The following PCDHGB7 variants were observed in gnomAD, a reference collection of about 807,000 sequenced individuals.
The protein encoded by PCDHGB7 is protocadherin gamma-B7.
A neutral mutation model predicts 61.4 loss-of-function variants in PCDHGB7; 37 were observed. The ratio of observed to expected loss-of-function variants is 0.60; its 90% CI spans 0.46 to 0.79. The LOEUF is 0.79. PCDHGB7 is among the 30% of genes least tolerant of loss of function. PCDHGB7 has a pLI of 0.00. For missense variants in PCDHGB7, 1,166 were observed against 1,202.5 expected, an observed-to-expected ratio of 0.97 and a Z score of 0.45; for synonymous variants, 464 against 503.5, an observed-to-expected ratio of 0.92 and a Z score of 1.05.
Position 141,418,233 on chromosome 5 carries a change from A to T in PCDHGB7, c.374A>T (p.Asp125Val). The T allele has an allele frequency of 6.2e-7, 1 of 1,614,048 alleles. No homozygotes were observed. The highest frequency in any genetic ancestry group is 8.5e-7 in the Non-Finnish European group (1 of 1,179,894). ...TTTCATGTCATTGTGGTGATTGAGG[A>T]TGTTAATGACCACGCCCCTCAATTC... Reference protein sequence around the residue: ...NIFHVIVVIEDVNDHAPQFRK... With the variant: ...NIFHVIVVIEVVNDHAPQFRK... Residue 125 changes from aspartate to valine, a missense_variant, in exon 1 of 4, where the codon GAT becomes GTT. Asp to Val is a radical substitution (Grantham distance 152). Coordinates refer to ENST00000398594, the MANE Select transcript of PCDHGB7 (RefSeq NM_018927.4).
intron 3 of PCDHGB7, among the ~76,000 whole-genome samples, chr5:141,506,943 T>A (rs2099857373): frequency 6.6e-6 from 1 of 152,192 alleles, no homozygotes; most frequent in South Asian, 2.1e-4. Context: ...GGGCCTCCTG[T>A]CAATGAATCC....
At chr5:141,455,920 C>T (rs941360102) in intron 1 of PCDHGB7, among the ~76,000 whole-genome samples, 1 of 147,944 alleles carries the variant, frequency 6.8e-6, no homozygotes, top group Non-Finnish European at 1.5e-5. Context: ...TATTTTGAGA[C>T]GGAGTCTCGC....
chr5:141,438,700 AC>A (rs2098052453), intron 1 of PCDHGB7, among the ~76,000 whole-genome samples: 1 of 144,406 alleles, frequency 6.9e-6, no homozygotes, highest in Non-Finnish European at 1.5e-5. Context: ...TTGCTCTGTC[AC>A]CCAGGCTGGA....
chr5:141,474,579 G>A (rs1340685342), intron 1 of PCDHGB7, among the ~76,000 whole-genome samples: 3 of 152,196 alleles, frequency 2.0e-5, no homozygotes, highest in Non-Finnish European at 4.4e-5. Flanking sequence ...TAATTGAAGT[G>A]TTAAAGACAT....
intron 1 of PCDHGB7, chr5:141,427,050 G>A (rs974721070): frequency 4.4e-6 from 2 of 457,372 alleles, no homozygotes; most frequent in Non-Finnish European, 4.4e-6. Flanking sequence ...TGTGCCCCCA[G>A]GCACCTCTGT....
intron 2 of PCDHGB7, among the ~76,000 whole-genome samples, chr5:141,497,905 C>T (rs1052659134): frequency 6.6e-6 from 1 of 152,178 alleles, no homozygotes; most frequent in Non-Finnish European, 1.5e-5. Context: ...GTAACTTCAA[C>T]TTCTCTCCTT....
At chr5:141,504,666 G>T (rs2099839952) in intron 2 of PCDHGB7, among the ~76,000 whole-genome samples, 1 of 107,242 alleles carries the variant, frequency 9.3e-6, no homozygotes, top group South Asian at 3.6e-4. Context: ...AGGGCGGGGG[G>T]TGGGGGTTCT....
rs746242389 is a variant in PCDHGB7 at position 141,491,254 on chromosome 5, G to C, written c.2416-3553G>C. 3 of 1,614,080 alleles carry C rather than the reference G, an allele frequency of 1.9e-6. No individual in the cohort carries two copies. In the African/African-American group the frequency reaches 4.0e-5, roughly 22 times the overall value. On this transcript the variant is annotated intron_variant, in intron 1 of 3. Transcript: ENST00000398594. This position sits in a 1 kb window ranked among gnomAD's most constrained non-coding sequence, Gnocchi z 6.9. ...GCTGGTTCTGGAGGATGAGGACCCT[G>C]AGGAAATGCCCAAATCCAGTGACTT...
chr5:141,493,340 T>C lies in PCDHGB7; in HGVS notation c.2416-1467T>C, dbSNP rs889623993. Among the ~76,000 whole-genome samples, 1 of 152,202 alleles carries C rather than the reference T, an allele frequency of 6.6e-6. No homozygotes were observed. Among genetic ancestry groups the C allele is most frequent in the Admixed American group, 6.5e-5 (1 of 15,288 alleles). Reference sequence around the variant, plus strand: ...TTCTAACCCCTGTCTAACTCCAGAATGTGTGCTTTTAATTTCTTGGCACTT... The same window carrying C: ...TTCTAACCCCTGTCTAACTCCAGAACGTGTGCTTTTAATTTCTTGGCACTT... On this transcript the variant is annotated intron_variant, in intron 1 of 3. Coordinates refer to ENST00000398594, the MANE Select transcript of PCDHGB7 (RefSeq NM_018927.4). The surrounding 1 kb of genome is among the most constrained non-coding windows in gnomAD (Gnocchi z 4.3).
intron 2 of PCDHGB7, among the ~76,000 whole-genome samples, chr5:141,497,735 C>T (rs1299892535): frequency 2.6e-5 from 4 of 152,144 alleles, no homozygotes; most frequent in Non-Finnish European, 4.4e-5. Flanking sequence ...AGATGGGTTT[C>T]GCCACGTTGG....
chr5:141,445,361 G>A (rs2098464750), intron 1 of PCDHGB7, among the ~76,000 whole-genome samples: 2 of 152,138 alleles, frequency 1.3e-5, no homozygotes, highest in African/African-American at 4.8e-5. Context: ...GCCCAAGTCT[G>A]GTCCTGGGTG....
Position 141,510,938 on chromosome 5 carries a change from T to A in PCDHGB7, c.2564-9T>A. 1 of 1,614,026 alleles carries A rather than the reference T, an allele frequency of 6.2e-7. No homozygotes were observed. Among genetic ancestry groups the A allele is most frequent in the Non-Finnish European group, 8.5e-7 (1 of 1,179,984 alleles). ...TTAGCTCCCACCTGATCTTCCTCTG[T>A]CTCTGCAGAAGCTGCTGATGGGAGC... On this transcript the variant is annotated splice_polypyrimidine_tract_variant and intron_variant, in intron 3 of 3. Coordinates refer to ENST00000398594, the MANE Select transcript of PCDHGB7 (RefSeq NM_018927.4).
Position 141,489,153 on chromosome 5 carries a change from G to T in PCDHGB7, c.2416-5654G>T. 1 of 935,828 alleles carries T rather than the reference G, an allele frequency of 1.1e-6. No individual in the cohort carries two copies. Among genetic ancestry groups the T allele is most frequent in the South Asian group, 1.8e-5 (1 of 55,006 alleles). 58.0% of individuals were successfully genotyped at this position (935,828 alleles called of 1,614,324 possible). A position where few individuals can be genotyped will look rare whatever the true frequency, so the allele number is the denominator to read the frequency against. Reference sequence around the variant, plus strand: ...TTTAAGAGGCTGGAAGGAGACATAAGAGACTTCAGCTGCTGCATTCCAAGC... The same window carrying T: ...TTTAAGAGGCTGGAAGGAGACATAATAGACTTCAGCTGCTGCATTCCAAGC... On this transcript the variant is annotated intron_variant, in intron 1 of 3. Transcript: ENST00000398594. The surrounding 1 kb of genome is among the most constrained non-coding windows in gnomAD (Gnocchi z 4.5).
intron 1 of PCDHGB7, among the ~76,000 whole-genome samples, chr5:141,464,240 G>A (rs1396190870): frequency 1.3e-5 from 2 of 150,444 alleles, no homozygotes; most frequent in Non-Finnish European, 2.9e-5. Context: ...ACTCCAGCCT[G>A]GGCTACAGAG....
At chr5:141,483,064 A>G (rs1245942485) in intron 1 of PCDHGB7, among the ~76,000 whole-genome samples, 2 of 152,142 alleles carry the variant, frequency 1.3e-5, no homozygotes, top group Non-Finnish European at 2.9e-5. Context: ...CAGCATGGGC[A>G]ACAGAGAGAG....
intron 1 of PCDHGB7, among the ~76,000 whole-genome samples, chr5:141,479,846 C>A (rs1350909064): frequency 1.3e-5 from 2 of 152,194 alleles, no homozygotes; most frequent in Admixed American, 6.5e-5. Context: ...TGCAAGGTGA[C>A]TGCAAGGCCT....
At chr5:141,421,813 G>A in intron 1 of PCDHGB7, 1 of 1,613,838 alleles carries the variant, frequency 6.2e-7, no homozygotes, top group Non-Finnish European at 8.5e-7. Flanking sequence ...TCCAGAGCTA[G>A]TACTGGAGGG....
intron 1 of PCDHGB7, 102 bp from the exon 2 acceptor site, chr5:141,494,705 G>A (rs2099756254): frequency 1.3e-6 from 2 of 1,597,990 alleles, no homozygotes; most frequent in East Asian, 2.2e-5. Context: ...TTTCTTCTCT[G>A]TGCCCACTCC....
chr5:141,485,601 G>T lies in PCDHGB7; in HGVS notation c.2416-9206G>T, dbSNP rs762783104. On this transcript the variant is annotated intron_variant, in intron 1 of 3. Transcript: ENST00000398594. The surrounding 1 kb of genome is among the most constrained non-coding windows in gnomAD (Gnocchi z 5.7). ...CGGCAGCAGCTGGACTTGGAAATTG[G>T]GGAGGCAGCTCCTCCAGGACAGCGT... The T allele has an allele frequency of 3.1e-6, 5 of 1,612,290 alleles. No individual in the cohort carries two copies. Among genetic ancestry groups the T allele is most frequent in the Non-Finnish European group, 4.2e-6 (5 of 1,178,722 alleles).
Sources: gnomAD v4.1 joint callset for allele counts (sites outside exome capture counted in the v4.1 genomes callset) on GRCh38, gnomAD v4.1.1 for gene constraint, Gnocchi (gnomAD v3.1) non-coding constraint, MANE v1.5 for transcripts, NCBI Gene and HGNC (gene_info 2026-07-23, HGNC 2026-07-21) for gene names.